The following PGAP2 variants were observed in gnomAD, a reference collection of about 807,000 sequenced individuals.
PGAP2 encodes the protein acyltransferase PGAP2.
In PGAP2, 21 loss-of-function variants were observed where a neutral mutation model predicts 33.2. The observed-to-expected ratio is 0.63, with a 90% CI of 0.45 to 0.91. The LOEUF is 0.91. Ranked by LOEUF, PGAP2 falls within the 40% of genes least tolerant of loss-of-function variation. The probability of loss-of-function intolerance (pLI) is 0.00; values close to 1 mark genes in which losing one functional copy is unlikely to be tolerated. For missense variants in PGAP2, 345 were observed against 424.0 expected (o/e 0.81, Z 1.64); for synonymous variants, 161 against 172.9 (o/e 0.93, Z 0.54).
chr11:3,801,606 CACTCCAGCCTGGGTGACAGAGCAAG>C (rs1428050015), intron 1 of PGAP2, among the ~76,000 whole-genome samples: 105 of 143,140 alleles, frequency 7.3e-4, no homozygotes, highest in Non-Finnish European at 7.5e-5. Flanking sequence ...CGCGCCACTG[CACTCCAGCCTGGGTGACAGAGCAAG>C]ACTCCATCTC....
rs2089894908 is a variant in PGAP2 at position 3,825,606 on chromosome 11, C to T, written c.*148C>T. ...AGGAAGGGTGTAGGCCAAGGCTCAC[C>T]CCAGTGCTGCTGGCTTCTCCTCTCC... On this transcript the variant is annotated 3_prime_UTR_variant, in exon 7 of 7. Transcript: ENST00000278243. The T allele has an allele frequency of 3.8e-6, 3 of 793,320 alleles. No individual in the cohort carries two copies. Among genetic ancestry groups the T allele is most frequent in the Non-Finnish European group, 3.9e-6 (2 of 515,134 alleles). The allele number at this position is 793,320 out of a possible 1,614,324, so 49.1% of individuals were successfully genotyped here. A position where few individuals can be genotyped will look rare whatever the true frequency, so the allele number is the denominator to read the frequency against.
rs545968340 is a variant in PGAP2, at chr11:3,811,658, A to G, written c.165+234A>G. On this transcript the variant is annotated intron_variant, in intron 2 of 6. Coordinates refer to ENST00000278243, the MANE Select transcript of PGAP2 (RefSeq NM_014489.4). This position sits in a 1 kb window ranked among gnomAD's most constrained non-coding sequence, Gnocchi z 4.6. ...ATATAGAGTCAGTAAATGAATTACA[A>G]GTATAACAGAGTTTGACACATGTCC... is the stretch of plus-strand genomic sequence containing the variant. Among the ~76,000 whole-genome samples, 6 of 152,244 alleles carry G rather than the reference A, an allele frequency of 3.9e-5. No individual in the cohort carries two copies. The East Asian group carries it at 7.7e-4, about 20-fold the overall frequency.
At chr11:3,821,870 C>T (rs548907907) in intron 3 of PGAP2, among the ~76,000 whole-genome samples, 1 of 150,690 alleles carries the variant, frequency 6.6e-6, no homozygotes, top group South Asian at 2.1e-4. Context: ...TTAGACCAGC[C>T]TGGGCAACAT....
At chr11:3,798,167 T>C in intron 1 of PGAP2, 2 of 1,382,776 alleles carry the variant, frequency 1.4e-6, no homozygotes, top group Non-Finnish European at 1.9e-6. Flanking sequence ...TATTCTCTCC[T>C]GACCCATGCT....
In PGAP2 at chr11:3,825,565, T is replaced by C. The variant is rs541705238; in HGVS notation, c.*107T>C. 3,962 of 1,230,572 alleles carry C rather than the reference T, an allele frequency of 3.2e-3. 11 individuals are homozygous for C. Among genetic ancestry groups the C allele is most frequent in the Non-Finnish European group, 3.5e-3 (3,124 of 881,094 alleles). The allele number at this position is 1,230,572 out of a possible 1,614,324, so 76.2% of individuals were successfully genotyped here. On this transcript the variant is annotated 3_prime_UTR_variant, in exon 7 of 7. Coordinates refer to ENST00000278243, the MANE Select transcript of PGAP2 (RefSeq NM_014489.4). Reference sequence around the variant, plus strand: ...CATCCTCTCTTGGCCTTACTGAAGATGGGGGAAGGGTAAGAAGGAAGGGTG... The same window carrying C: ...CATCCTCTCTTGGCCTTACTGAAGACGGGGGAAGGGTAAGAAGGAAGGGTG...
Position 3,811,972 on chromosome 11 carries a change from G to C in PGAP2, c.165+548G>C, listed in dbSNP as rs529599139. ...GGTCATGACTGTATATAATGGGTTT[G>C]AGTGGGTCGTGTGTGAGAGAGACTA... is the stretch of plus-strand genomic sequence containing the variant. On this transcript the variant is annotated intron_variant, in intron 2 of 6. Transcript: ENST00000278243. This position sits in a 1 kb window ranked among gnomAD's most constrained non-coding sequence, Gnocchi z 4.6. 1.9e-4 allele frequency among the ~76,000 whole-genome samples: 29 copies of C among 152,266 alleles called. No individual in the cohort carries two copies. Among genetic ancestry groups the C allele is most frequent in the African/African-American group, 6.7e-4 (28 of 41,542 alleles).
rs187349241 is a variant in PGAP2 at position 3,818,128 on chromosome 11, C to T, written c.348+593C>T. The T allele has an allele frequency of 4.7e-4, 96 of 206,070 alleles. 1 individual carries two copies. The East Asian group carries it at 0.011, about 23-fold the overall frequency. 12.8% of individuals were successfully genotyped at this position (206,070 alleles called of 1,614,324 possible). ...CTGTAATCCCAGCACTTTGAGAGGC[C>T]GAGGTGGGAGGATCACCTGAGGTCA... On this transcript the variant is annotated intron_variant, in intron 3 of 6. Coordinates refer to ENST00000278243, the MANE Select transcript of PGAP2 (RefSeq NM_014489.4).
chr11:3,821,705 C>T (rs1323275496), intron 3 of PGAP2, among the ~76,000 whole-genome samples: 1 of 151,678 alleles, frequency 6.6e-6, no homozygotes, highest in Non-Finnish European at 1.5e-5. Flanking sequence ...TTGCAGTGAG[C>T]CAAAATTGCG....
Position 3,817,370 on chromosome 11 carries a change from G to A in PGAP2, c.183G>A (p.Met61Ile). The change falls in exon 3 of 7, where the codon ATG (methionine) becomes ATA (isoleucine). Residue 61 changes from methionine (M) to isoleucine (I), a missense_variant. This residue lies in a region of PGAP2 where 311 missense variants were observed against 353.6 expected (regional missense o/e 0.88). Transcript: ENST00000278243. ...CTGCTTAGGCCACGCCCTGCAGGAT[G>A]TTCTCTGCGGCCTCCCAGCCTTTGG... ...ATHCGATPCR[M>I]FSAASQPLDP... 1 of 1,613,422 alleles carries A rather than the reference G, an allele frequency of 6.2e-7. No individual in the cohort carries two copies. Among genetic ancestry groups the A allele is most frequent in the East Asian group, 2.2e-5 (1 of 44,880 alleles).
chr11:3,816,004 ATC>A (rs2134607171), intron 2 of PGAP2, among the ~76,000 whole-genome samples: 1 of 152,242 alleles, frequency 6.6e-6, no homozygotes, highest in South Asian at 2.1e-4. Context: ...CCCTGCCCCC[ATC>A]ACTGGCAAAG....
chr11:3,800,815 A>C (rs1486829872), intron 1 of PGAP2, among the ~76,000 whole-genome samples: 1 of 149,264 alleles, frequency 6.7e-6, no homozygotes, highest in African/African-American at 2.5e-5. Flanking sequence ...CCGTCTCAAA[A>C]AAAAAAAAAA....
chr11:3,807,714 A>C (rs1197861612), upstream of PGAP2, among the ~76,000 whole-genome samples: 1 of 152,138 alleles, frequency 6.6e-6, no homozygotes, highest in Non-Finnish European at 1.5e-5. Flanking sequence ...TAAGTGGAAA[A>C]GTGCGATGTT....
upstream of PGAP2, chr11:3,808,084 A>C (rs1276826246): frequency 2.8e-6 from 4 of 1,439,332 alleles, no homozygotes; most frequent in Non-Finnish European, 3.6e-6. Context: ...CACTGCCTGC[A>C]AAGGTGCTCT....
chr11:3,797,959 G>C, exon 1 of PGAP2: 1 of 1,547,926 alleles, frequency 6.5e-7, no homozygotes, highest in Non-Finnish European at 8.7e-7. Context: ...GGGCCAATCA[G>C]AGGGACGGCC....
chr11:3,810,013 G>C (rs116931848), intron 1 of PGAP2, among the ~76,000 whole-genome samples: 1,664 of 152,288 alleles, frequency 0.011, 15 homozygotes, highest in Non-Finnish European at 0.019. Context: ...AGCCCAGAAG[G>C]GTATATTCTT....
upstream of PGAP2, among the ~76,000 whole-genome samples, chr11:3,806,842 C>T (rs151264514): frequency 0.027 from 4,167 of 151,970 alleles, 193 homozygotes; most frequent in African/African-American, 0.094. Flanking sequence ...ACCAATATGG[C>T]GAAACCCCAT....
chr11:3,816,550 T>G (rs971573415), intron 2 of PGAP2, among the ~76,000 whole-genome samples: 1 of 152,092 alleles, frequency 6.6e-6, no homozygotes, highest in East Asian at 1.9e-4. Flanking sequence ...AGGCTCAAGC[T>G]CAGTGGAGAA....
intron 1 of PGAP2, chr11:3,798,029 G>T: frequency 6.5e-7 from 1 of 1,537,108 alleles, no homozygotes; most frequent in Non-Finnish European, 8.8e-7. Flanking sequence ...GCGCTGCTGG[G>T]AAGGCTTCCT....
intron 5 of PGAP2, 52 bp from the exon 6 acceptor site, chr11:3,824,968 C>G: frequency 6.2e-7 from 1 of 1,611,018 alleles, no homozygotes; most frequent in South Asian, 1.1e-5. Context: ...GAGGGGAGCC[C>G]ACGCTCTCAT....
Sources: allele counts gnomAD v4.1 joint callset (sites outside exome capture counted in the v4.1 genomes callset), GRCh38; gene constraint gnomAD v4.1.1; regional missense constraint gnomAD v4.1.1; non-coding constraint Gnocchi (gnomAD v3.1); transcripts MANE v1.5; gene names NCBI Gene and HGNC (gene_info 2026-07-23, HGNC 2026-07-21).